PTPRC: variants seen among roughly 807,000 people sequenced by gnomAD.
PTPRC encodes the protein protein tyrosine phosphatase receptor type C, also known as receptor-type tyrosine-protein phosphatase C.
Under a neutral mutation model 155.9 loss-of-function variants are expected in PTPRC, and 44 were observed. That is an observed-to-expected ratio of 0.28 (90% CI 0.22 to 0.36). PTPRC has a LOEUF of 0.36. PTPRC is among the 10% of genes least tolerant of loss of function. The pLI is 1.00. For synonymous variants in PTPRC, 525 were observed against 533.1 expected, an observed-to-expected ratio of 0.98 and a Z score of 0.21; for missense variants, 1,401 against 1,564.6, an observed-to-expected ratio of 0.90 and a Z score of 1.76.
intron 11 of PTPRC, among the ~76,000 whole-genome samples, chr1:198,710,971 C>T (rs764502779): frequency 3.9e-5 from 6 of 152,204 alleles, no homozygotes; most frequent in South Asian, 4.1e-4. Flanking sequence ...TCTCCTGCCT[C>T]GGCCTCCCAA....
At chr1:198,712,902 T>C (rs1460646051) in intron 11 of PTPRC, 51 bp from the exon 12 acceptor site, 1 of 1,545,604 alleles carries the variant, frequency 6.5e-7, no homozygotes, top group South Asian at 1.1e-5. Flanking sequence ...GAAGAATGCT[T>C]TATCCATGTC....
chr1:198,719,869 C>T (rs753642351), intron 14 of PTPRC, among the ~76,000 whole-genome samples: 8 of 152,176 alleles, frequency 5.3e-5, no homozygotes, highest in Admixed American at 2.6e-4. Context: ...CCTCAGCCTC[C>T]CAAATTGTTG....
chr1:198,678,637 C>T (rs1266917179), intron 2 of PTPRC, among the ~76,000 whole-genome samples: 1 of 152,198 alleles, frequency 6.6e-6, no homozygotes, highest in Non-Finnish European at 1.5e-5. Context: ...GTTTAGCCTC[C>T]ATGCCAGCCA....
chr1:198,671,130 A>G (rs190518324), intron 2 of PTPRC, among the ~76,000 whole-genome samples: 4 of 150,276 alleles, frequency 2.7e-5, no homozygotes, highest in African/African-American at 9.8e-5. Flanking sequence ...AAAAAAAAAA[A>G]TTTTTCTAGC....
At position 198,725,610 on chromosome 1, in the gene PTPRC, C is replaced by T. The variant is rs10919561; in HGVS notation, c.1721-2730C>T. On this transcript the variant is annotated intron_variant, in intron 15 of 32. Transcript: ENST00000442510. Reference sequence around the variant, plus strand: ...ATTTTAGTCCTGTGCCTCATCCCTTCCCTGTACTGAGCCTGACTTTATTCT... The same window carrying T: ...ATTTTAGTCCTGTGCCTCATCCCTTTCCTGTACTGAGCCTGACTTTATTCT... 5.2e-3 allele frequency among the ~76,000 whole-genome samples: 791 copies of T among 152,260 alleles called. 32 individuals are homozygous for T. In the East Asian group the frequency reaches 0.12, roughly 24 times the overall value.
rs370217220 is a variant in PTPRC, at chr1:198,742,041, C to CAAA, written c.2561+25_2561+27dup. On this transcript the variant is annotated intron_variant, in intron 24 of 32. Coordinates refer to ENST00000442510, the MANE Select transcript of PTPRC (RefSeq NM_002838.5). ...GTGCACTGCAGGTAGGAAAAACGAA[C>CAAA]AAAAAAAAAAAACAACAACAAAAAA... The CAAA allele has an allele frequency of 2.5e-3, 3,402 of 1,337,308 alleles. 39 individuals carry two copies. In the African/African-American group the frequency reaches 0.048, roughly 19 times the overall value. The allele number at this position is 1,337,308 out of a possible 1,614,324, so 82.8% of individuals were successfully genotyped here. A position where few individuals can be genotyped will look rare whatever the true frequency, so the allele number is the denominator to read the frequency against.
intron 2 of PTPRC, among the ~76,000 whole-genome samples, chr1:198,643,209 G>A (rs1043814746): frequency 3.3e-5 from 5 of 151,642 alleles, no homozygotes; most frequent in African/African-American, 1.2e-4. Context: ...GATGATTGAT[G>A]ATGATGATGA....
intron 12 of PTPRC, among the ~76,000 whole-genome samples, chr1:198,714,632 C>G (rs778076126): frequency 1.3e-5 from 2 of 152,174 alleles, no homozygotes; most frequent in Non-Finnish European, 2.9e-5. Flanking sequence ...GGAGCCAGCT[C>G]TACTCTAAAC....
intron 10 of PTPRC, 124 bp from the exon 11 acceptor site, chr1:198,709,563 A>G: frequency 1.2e-6 from 1 of 853,202 alleles, no homozygotes; most frequent in African/African-American, 1.8e-5. Flanking sequence ...TTATTTTGGT[A>G]ATTTCCACAG....
chr1:198,725,190 T>C, intron 15 of PTPRC, among the ~76,000 whole-genome samples: 1 of 152,206 alleles, frequency 6.6e-6, no homozygotes, highest in East Asian at 1.9e-4. Context: ...CTCCATTTTC[T>C]TCCCATAGTC....
intron 4 of PTPRC, among the ~76,000 whole-genome samples, 187 bp from the exon 5 acceptor site, chr1:198,699,377 T>C (rs1666353689): frequency 1.3e-5 from 2 of 152,214 alleles, no homozygotes; most frequent in Admixed American, 1.3e-4. Flanking sequence ...GCTATGTAAA[T>C]AGAGGACTCA....
intron 14 of PTPRC, among the ~76,000 whole-genome samples, chr1:198,721,008 G>A (rs921264260): frequency 6.6e-5 from 10 of 152,034 alleles, no homozygotes; most frequent in Admixed American, 3.9e-4. Flanking sequence ...TCTTCAAATC[G>A]TATAAGTTAC....
intron 2 of PTPRC, chr1:198,679,866 T>C: frequency 1.6e-6 from 1 of 607,984 alleles, no homozygotes; most frequent in South Asian, 2.0e-5. Flanking sequence ...AGAGTTTCCT[T>C]GACTCAAGAT....
Position 198,735,122 on chromosome 1 carries a change from T to C in PTPRC, c.2278-5T>C, listed in dbSNP as rs1412505297. 2.5e-6 allele frequency: 4 copies of C among 1,589,016 alleles called. No individual in the cohort carries two copies. The highest frequency in any genetic ancestry group is 4.6e-5 in the East Asian group (2 of 43,846). On this transcript the variant is annotated splice_polypyrimidine_tract_variant and splice_region_variant and intron_variant, in intron 22 of 32. Coordinates refer to ENST00000442510, the MANE Select transcript of PTPRC (RefSeq NM_002838.5). ...TAAAATACTTAATAATTTTTTAAAA[T>C]GTAGAACAAGTGTGCAGAATACTGG...
rs181120680 is a variant in PTPRC at position 198,691,038 on chromosome 1, T to C, written c.74-1309T>C. ...CGAAACACCCTCTACTCTTTATTCT[T>C]GTTTGCTACAGTTTTCCTCTTACTT... On this transcript the variant is annotated intron_variant, in intron 2 of 32. Transcript: ENST00000442510. Among the ~76,000 whole-genome samples the C allele has an allele frequency of 2.4e-3, 367 of 152,214 alleles. 2 individuals are homozygous for C. Among genetic ancestry groups the C allele is most frequent in the African/African-American group, 8.6e-3 (356 of 41,566 alleles).
In PTPRC at chr1:198,722,431, G is replaced by A; in HGVS notation, c.1675G>A (p.Gly559Arg). 1.4e-6 allele frequency: 2 copies of A among 1,452,478 alleles called. No homozygotes were observed. Among genetic ancestry groups the A allele is most frequent in the Non-Finnish European group, 1.8e-6 (2 of 1,094,544 alleles). 90.0% of individuals were successfully genotyped at this position (1,452,478 alleles called of 1,614,324 possible). A position where few individuals can be genotyped will look rare whatever the true frequency, so the allele number is the denominator to read the frequency against. Residue 559 changes from glycine to arginine, a missense_variant, in exon 15 of 33, where the codon GGA (glycine) becomes AGA (arginine). Gly to Arg is a moderately radical substitution (Grantham distance 125). Around this residue, in one of 3 missense-constraint regions of PTPRC, gnomAD observed 867 missense variants for 970.4 expected, o/e 0.89. Transcript: ENST00000442510. ...DYTFKAYFHN[G>R]DYPGEPFILH... ...TGAAATTCAGGCCTATTTTCACAAT[G>A]GAGACTATCCTGGAGAACCCTTTAT...
At chr1:198,754,833 C>T (rs1178201899) in intron 32 of PTPRC, among the ~76,000 whole-genome samples, 1 of 152,048 alleles carries the variant, frequency 6.6e-6, no homozygotes, top group African/African-American at 2.4e-5. Flanking sequence ...GCAATAGAGA[C>T]CAGGCTGACT....
intron 2 of PTPRC, among the ~76,000 whole-genome samples, chr1:198,645,877 G>A (rs1571774800): frequency 6.6e-6 from 1 of 151,770 alleles, no homozygotes; most frequent in East Asian, 1.9e-4. Flanking sequence ...ATTTCTTAGT[G>A]TAAAAATATC....
At chr1:198,738,180 C>A (rs1220153610) in intron 23 of PTPRC, among the ~76,000 whole-genome samples, 1 of 151,628 alleles carries the variant, frequency 6.6e-6, no homozygotes, top group Non-Finnish European at 1.5e-5. Flanking sequence ...CTAGCTGGGA[C>A]TTCCAGTTGA....
Sources: gnomAD v4.1 joint callset for allele counts (sites outside exome capture counted in the v4.1 genomes callset) on GRCh38, gnomAD v4.1.1 for gene constraint, gnomAD v4.1.1 regional missense constraint, MANE v1.5 for transcripts, NCBI Gene and HGNC (gene_info 2026-07-23, HGNC 2026-07-21) for gene names.